Variants in ADAMTSL1 observed in about 807,000 individuals in gnomAD.
The protein encoded by ADAMTSL1 is ADAMTS like 1.
Under a neutral mutation model 201.8 loss-of-function variants are expected in ADAMTSL1, and 126 were observed. The observed-to-expected ratio is 0.62, with a 90% confidence interval of 0.54 to 0.72. The LOEUF (loss-of-function observed/expected upper bound fraction) is 0.72. Among genes scored for constraint, ADAMTSL1 ranks in the 30% least tolerant of loss-of-function variants. ADAMTSL1 has a pLI of 0.00. For missense variants in ADAMTSL1, 2,679 were observed against 2,277.8 expected, an observed-to-expected ratio of 1.18 and a Z score of -3.59; for synonymous variants, 1,121 against 903.4, an observed-to-expected ratio of 1.24 and a Z score of -4.32.
At chr9:18,095,087 CAG>C (rs1824187768) in intron 1 of ADAMTSL1, among the ~76,000 whole-genome samples, 1 of 152,188 alleles carries the variant, frequency 6.6e-6, no homozygotes, top group South Asian at 2.1e-4. Context: ...ACGCAGCTTA[CAG>C]AGACACCTGG....
At chr9:18,000,465 G>T (rs921041794) in intron 1 of ADAMTSL1, among the ~76,000 whole-genome samples, 1 of 151,900 alleles carries the variant, frequency 6.6e-6, no homozygotes, top group South Asian at 2.1e-4. Context: ...ACAGTCAGAG[G>T]AAGGGGAAGA....
chr9:18,830,009 A>G, intron 23 of ADAMTSL1, 32 bp downstream of exon 23: 1 of 1,580,620 alleles, frequency 6.3e-7, no homozygotes, highest in Non-Finnish European at 8.6e-7. Flanking sequence ...ATTGGGCAGA[A>G]AGCCAGGACT....
At chr9:18,320,214 G>A (rs1253350060) in intron 2 of ADAMTSL1, among the ~76,000 whole-genome samples, 3 of 152,212 alleles carry the variant, frequency 2.0e-5, no homozygotes, top group Non-Finnish European at 4.4e-5. Flanking sequence ...GAGTTGCTAA[G>A]AAAAGGAACA....
chr9:18,754,685 T>G lies in ADAMTSL1; in HGVS notation c.2217+1177T>G, dbSNP rs369003951. Among the ~76,000 whole-genome samples, 569 of 152,324 alleles carry G rather than the reference T, an allele frequency of 3.7e-3. 2 individuals carry two copies. The highest frequency in any genetic ancestry group is 0.013 in the African/African-American group (535 of 41,580). On this transcript the variant is annotated intron_variant, in intron 16 of 28. Coordinates refer to ENST00000380548, the MANE Select transcript of ADAMTSL1 (RefSeq NM_001040272.6). ...GAGCCCCTCCCTTCTCCTTGCTCCT[T>G]GCCCATCTTGGAGCTGTGGTTTAGT...
chr9:18,166,941 T>C (rs1486835708), intron 2 of ADAMTSL1, among the ~76,000 whole-genome samples: 1 of 151,928 alleles, frequency 6.6e-6, no homozygotes, highest in Non-Finnish European at 1.5e-5. Context: ...AACTTTTGCA[T>C]TGCGTTAGAA....
At chr9:18,394,905 G>C (rs377269895) in intron 2 of ADAMTSL1, among the ~76,000 whole-genome samples, 1 of 152,198 alleles carries the variant, frequency 6.6e-6, no homozygotes, top group Non-Finnish European at 1.5e-5. Context: ...TGGGAAAAAA[G>C]TCTGCAAATG....
intron 1 of ADAMTSL1, among the ~76,000 whole-genome samples, chr9:18,015,457 A>C (rs1586898492): frequency 6.6e-6 from 1 of 152,206 alleles, no homozygotes; most frequent in East Asian, 1.9e-4. Flanking sequence ...TTGGAGATGA[A>C]CCACAGAAGC....
At chr9:18,091,662 A>C (rs1373696929) in intron 1 of ADAMTSL1, among the ~76,000 whole-genome samples, 1 of 152,168 alleles carries the variant, frequency 6.6e-6, no homozygotes, top group African/African-American at 2.4e-5. Context: ...TTGGATTATT[A>C]GTTTTCTCAC....
rs1395492642 is a variant in ADAMTSL1, at chr9:18,183,929, C to G, written c.207+19948C>G. Among the ~76,000 whole-genome samples the G allele has an allele frequency of 3.3e-5, 5 of 152,260 alleles. No homozygotes were observed. The South Asian group carries it at 8.3e-4, about 25-fold the overall frequency. On this transcript the variant is annotated intron_variant, in intron 2 of 29. Coordinates refer to the ADAMTSL1 transcript ENST00000680146. ...AGCGCAAACTAATTAAATACCGTGA[C>G]TAGGGAAGGAAGTTTCAACGGTAAT...
At chr9:18,021,513 A>G (rs974741202) in intron 1 of ADAMTSL1, among the ~76,000 whole-genome samples, 3 of 152,152 alleles carry the variant, frequency 2.0e-5, no homozygotes, top group Admixed American at 6.5e-5. Flanking sequence ...TGGAACTGAA[A>G]CATCTATCCT....
intron 1 of ADAMTSL1, among the ~76,000 whole-genome samples, chr9:18,040,629 G>A (rs1821391188): frequency 6.6e-6 from 1 of 152,200 alleles, no homozygotes; most frequent in Non-Finnish European, 1.5e-5. Context: ...CCTGCATGGT[G>A]TGAATCTGTA....
At chr9:18,712,335 A>C (rs1187929400) in intron 14 of ADAMTSL1, among the ~76,000 whole-genome samples, 1 of 152,134 alleles carries the variant, frequency 6.6e-6, no homozygotes, top group African/African-American at 2.4e-5. Context: ...AAGGCAAAGA[A>C]GTTGAAAACT....
intron 3 of ADAMTSL1, among the ~76,000 whole-genome samples, chr9:18,545,698 C>T (rs933534996): frequency 1.3e-5 from 2 of 152,102 alleles, no homozygotes; most frequent in Non-Finnish European, 2.9e-5. Flanking sequence ...TTTCTCAAGT[C>T]CTAGTTTCTG....
intron 2 of ADAMTSL1, among the ~76,000 whole-genome samples, chr9:18,437,797 G>A (rs1007916950): frequency 2.6e-5 from 4 of 152,110 alleles, no homozygotes; most frequent in African/African-American, 9.7e-5. Flanking sequence ...GACCTTTTGA[G>A]CTTCCCAGCT....
chr9:18,225,466 G>A (rs942590927), intron 2 of ADAMTSL1, among the ~76,000 whole-genome samples: 2 of 152,028 alleles, frequency 1.3e-5, no homozygotes, highest in African/African-American at 4.8e-5. Context: ...TTAAAACTTG[G>A]TGTTTCCAAA....
At chr9:18,675,230 C>G (rs1473943964) in intron 9 of ADAMTSL1, among the ~76,000 whole-genome samples, 2 of 152,130 alleles carry the variant, frequency 1.3e-5, no homozygotes, top group South Asian at 2.1e-4. Flanking sequence ...AACTGCCTAC[C>G]TTTATTTTGG....
chr9:18,430,611 A>G (rs1329725), intron 2 of ADAMTSL1, among the ~76,000 whole-genome samples: 45,501 of 152,108 alleles, frequency 0.3, 7,296 homozygotes, highest in East Asian at 0.47. Context: ...CAAACTGCCT[A>G]TACTGTTTCC....
At chr9:18,715,590 T>C (rs1832875162) in intron 14 of ADAMTSL1, among the ~76,000 whole-genome samples, 1 of 151,934 alleles carries the variant, frequency 6.6e-6, no homozygotes, top group African/African-American at 2.4e-5. Context: ...TAAAAGAGGA[T>C]ACAAACAAAT....
At chr9:18,791,331 A>T (rs114424787) in intron 19 of ADAMTSL1, among the ~76,000 whole-genome samples, 279 of 152,282 alleles carry the variant, frequency 1.8e-3, no homozygotes, top group African/African-American at 6.5e-3. Context: ...TATTGTATGT[A>T]TAATAACAGG....
Sources: gnomAD v4.1 joint callset for allele counts (sites outside exome capture counted in the v4.1 genomes callset) on GRCh38, gnomAD v4.1.1 for gene constraint, MANE v1.5 for transcripts, NCBI Gene and HGNC (gene_info 2026-07-23, HGNC 2026-07-21) for gene names.